OAS2: variants seen among roughly 807,000 people sequenced by gnomAD.
The protein encoded by OAS2 is 2'-5'-oligoadenylate synthase 2.
OAS2 carries 67 observed loss-of-function variants against 71.3 expected under a neutral mutation model. The observed-to-expected ratio is 0.94, with a 90% CI of 0.77 to 1.15. The LOEUF (loss-of-function observed/expected upper bound fraction) is 1.15. OAS2 is among the 50% of genes most tolerant of loss of function. The pLI is 0.00. For missense variants in OAS2, 789 were observed against 822.5 expected, an observed-to-expected ratio of 0.96 and a Z score of 0.50; for synonymous variants, 327 against 321.8, an observed-to-expected ratio of 1.02 and a Z score of -0.17.
Position 113,005,234 on chromosome 12 carries a change from C to G in OAS2, c.1468+12C>G, listed in dbSNP as rs1387180645. Reference sequence around the variant, plus strand: ...CTTTAATGCACTGGGTAAGGCTCCCCAGACCTTAGCTTGGAAGTGATGGTG... The same window carrying G: ...CTTTAATGCACTGGGTAAGGCTCCCGAGACCTTAGCTTGGAAGTGATGGTG... On this transcript the variant is annotated intron_variant, in intron 7 of 9. Transcript: ENST00000392583. 1 of 1,605,532 alleles carries G rather than the reference C, an allele frequency of 6.2e-7. No individual in the cohort carries two copies. Among genetic ancestry groups the G allele is most frequent in the Non-Finnish European group, 8.5e-7 (1 of 1,174,732 alleles).
Position 112,998,298 on chromosome 12 carries a change from A to G in OAS2, c.896A>G (p.Asn299Ser). 2 of 1,612,938 alleles carry G rather than the reference A, an allele frequency of 1.2e-6. No individual in the cohort carries two copies. The highest frequency in any genetic ancestry group is 1.7e-6 in the Non-Finnish European group (2 of 1,179,628). ...PVILDPVDPT[N>S]NVSGDKICWQ... is the part of the protein sequence containing the mutation. ...ATCTTGGATCCAGTTGACCCAACCA[A>G]TAATGTGAGTGGAGATAAAATATGC... The change falls in exon 5 of 10, where the codon AAT (asparagine) becomes AGT (serine). Residue 299 changes from asparagine to serine, a missense_variant. Asn to Ser is a conservative substitution (Grantham distance 46, BLOSUM62 1). Transcript: ENST00000392583.
Position 113,010,166 on chromosome 12 carries a change from T to TG in OAS2, c.*917dup, listed in dbSNP as rs1315520604. On this transcript the variant is annotated 3_prime_UTR_variant, in exon 10 of 10. Coordinates refer to ENST00000392583, the MANE Select transcript of OAS2 (RefSeq NM_002535.3). ...CTAGAGGAACCCTACACCCCAACCC[T>TG]GGGGGGAATGTAGGGAAGAGGTGGC... 3.8e-6 allele frequency: 5 copies of TG among 1,316,798 alleles called. No individual in the cohort carries two copies. The highest frequency in any genetic ancestry group is 6.8e-5 in the Admixed American group (2 of 29,408). 81.6% of individuals were successfully genotyped at this position (1,316,798 alleles called of 1,614,324 possible). A position where few individuals can be genotyped will look rare whatever the true frequency, so the allele number is the denominator to read the frequency against.
chr12:112,990,019 T>G (rs1299631389), intron 2 of OAS2, among the ~76,000 whole-genome samples: 1 of 152,138 alleles, frequency 6.6e-6, no homozygotes, highest in Non-Finnish European at 1.5e-5. Flanking sequence ...GCTTCCTAAT[T>G]GTCTCCCTGC....
chr12:112,993,852 G>A (rs1034627317), intron 2 of OAS2, among the ~76,000 whole-genome samples: 14 of 152,110 alleles, frequency 9.2e-5, no homozygotes, highest in Admixed American at 6.5e-4. Flanking sequence ...CAGCCTGAGC[G>A]ACAGAGAAGA....
intron 1 of OAS2, 101 bp from the exon 2 acceptor site, chr12:112,986,937 C>G: frequency 6.8e-7 from 1 of 1,466,484 alleles, no homozygotes; most frequent in Non-Finnish European, 9.2e-7. Flanking sequence ...ATGTTAAGAC[C>G]ATTTTTGGCT....
chr12:113,005,739 A>C (rs2044326257), intron 7 of OAS2, among the ~76,000 whole-genome samples: 1 of 150,554 alleles, frequency 6.6e-6, no homozygotes. Flanking sequence ...ATAATAAACA[A>C]AGTTAGCCAG....
At chr12:112,980,627 T>C (rs1296106887) in intron 1 of OAS2, among the ~76,000 whole-genome samples, 2 of 152,220 alleles carry the variant, frequency 1.3e-5, no homozygotes, top group East Asian at 3.8e-4. Flanking sequence ...ATTGTCTTTA[T>C]CCATTCAGCT....
At position 113,006,448 on chromosome 12, in the gene OAS2, G is replaced by A. The variant is rs1218881170; in HGVS notation, c.1504G>A (p.Val502Ile). The change falls in exon 8 of 10, where the codon GTT (valine) becomes ATT (isoleucine). Residue 502 changes from valine (V) to isoleucine (I), a missense_variant. Physicochemically the swap from Val to Ile is conservative, Grantham distance 29. Coordinates refer to ENST00000392583, the MANE Select transcript of OAS2 (RefSeq NM_002535.3). ...TTCTGGCTCCACACCCAGCCCCGAG[G>A]TTTATGCAGGGCTCATTGATCTGTA... is the stretch of plus-strand genomic sequence containing the variant. ...LSSGSTPSPE[V>I]YAGLIDLYKS... The A allele has an allele frequency of 2.5e-6, 4 of 1,585,086 alleles. No individual in the cohort carries two copies. The South Asian group carries it at 4.5e-5, about 18-fold the overall frequency.
intron 2 of OAS2, among the ~76,000 whole-genome samples, 182 bp from the exon 3 acceptor site, chr12:112,995,114 T>C (rs1221259908): frequency 6.6e-6 from 1 of 152,238 alleles, no homozygotes; most frequent in African/African-American, 2.4e-5. Flanking sequence ...GACTACACTT[T>C]ATTATCTAAT....
chr12:112,998,239 C>T (rs1444453344), intron 4 of OAS2, 27 bp from the exon 5 acceptor site: 2 of 1,602,962 alleles, frequency 1.2e-6, no homozygotes, highest in Non-Finnish European at 1.7e-6. Context: ...GCTCAACTGA[C>T]TTTTTTTAAT....
chr12:113,008,069 C>A (rs1593208022), intron 9 of OAS2, 126 bp downstream of exon 9: 1 of 726,954 alleles, frequency 1.4e-6, no homozygotes, highest in Non-Finnish European at 2.4e-6. Context: ...TGCTAGCCAA[C>A]AGAACCTGTC....
rs1166650984 is a variant in OAS2, at chr12:112,987,702, G to A, written c.448+394G>A. On this transcript the variant is annotated intron_variant, in intron 2 of 9. Coordinates refer to ENST00000392583, the MANE Select transcript of OAS2 (RefSeq NM_002535.3). Reference sequence around the variant, plus strand: ...TCCGCAGATCATGCTTGCAGGTTTTGACCAGAGTCAGTGTTGGTTAGAGTA... The same window carrying A: ...TCCGCAGATCATGCTTGCAGGTTTTAACCAGAGTCAGTGTTGGTTAGAGTA... 12 of 1,056,980 alleles carry A rather than the reference G, an allele frequency of 1.1e-5. No homozygotes were observed. The East Asian group carries it at 2.8e-4, about 25-fold the overall frequency. The allele number at this position is 1,056,980 out of a possible 1,614,324, so 65.5% of individuals were successfully genotyped here.
Position 112,998,386 on chromosome 12 carries a change from A to C in OAS2, c.984A>C (p.Leu328Phe), listed in dbSNP as rs373333483. The C allele has an allele frequency of 5.5e-5, 89 of 1,611,460 alleles. 1 individual carries two copies. Among genetic ancestry groups the C allele is most frequent in the Non-Finnish European group, 7.1e-5 (84 of 1,179,448 alleles). ...CTTCTCCCAACCTGGATAATGAGTT[A>C]CCTGCACCATCTTGGAATGTTCTGG... The part of the protein sequence containing the change: ...WLTSPNLDNE[L>F]PAPSWNVLPA... Residue 328 changes from leucine (L) to phenylalanine (F), a missense_variant, in exon 5 of 10, where the codon TTA (leucine) becomes TTC (phenylalanine). Coordinates refer to ENST00000392583, the MANE Select transcript of OAS2 (RefSeq NM_002535.3).
intron 3 of OAS2, among the ~76,000 whole-genome samples, chr12:112,997,068 A>G (rs769417964): frequency 6.6e-6 from 1 of 152,178 alleles, no homozygotes; most frequent in Non-Finnish European, 1.5e-5. Context: ...TTTAGTTTCT[A>G]TAGGGAACAA....
In OAS2 at chr12:113,009,247, G is replaced by A. The variant is rs773238912; in HGVS notation, c.2056G>A (p.Val686Ile). 4 of 1,613,754 alleles carry A rather than the reference G, an allele frequency of 2.5e-6. No individual in the cohort carries two copies. The East Asian group carries it at 8.9e-5, about 36-fold the overall frequency. The change falls in exon 10 of 10, where the codon GTC (valine) becomes ATC (isoleucine). Residue 686 changes from valine (V) to isoleucine (I), a missense_variant. Val to Ile is a conservative substitution (Grantham distance 29, BLOSUM62 3). Transcript: ENST00000392583. ...PIPPWKVPVK[V>I]I ...ACCACCTTGGAAAGTGCCGGTAAAAGTCATCTAAAGGAGGCGTTGTCTGGA... is the reference window on the plus strand; with the variant it reads ...ACCACCTTGGAAAGTGCCGGTAAAAATCATCTAAAGGAGGCGTTGTCTGGA...
intron 6 of OAS2, among the ~76,000 whole-genome samples, chr12:113,003,508 A>G (rs1376916323): frequency 6.6e-6 from 1 of 152,154 alleles, no homozygotes; most frequent in African/African-American, 2.4e-5. Flanking sequence ...ACTCAGTTAC[A>G]TCTGCGAAGA....
At chr12:113,000,121 A>T (rs949423562) in intron 5 of OAS2, among the ~76,000 whole-genome samples, 6 of 152,180 alleles carry the variant, frequency 3.9e-5, no homozygotes, top group East Asian at 1.9e-4. Context: ...AAATGCTTTC[A>T]TAGGGATCTC....
chr12:112,988,765 G>A, intron 2 of OAS2: 3 of 980,954 alleles, frequency 3.1e-6, no homozygotes, highest in Non-Finnish European at 2.4e-6. Flanking sequence ...GCCCTACCCT[G>A]TAACAAAGTC....
intron 9 of OAS2, among the ~76,000 whole-genome samples, 199 bp from the exon 10 acceptor site, chr12:113,008,888 A>G (rs1436394420): frequency 1.3e-5 from 2 of 152,184 alleles, no homozygotes; most frequent in African/African-American, 4.8e-5. Context: ...TCAGCCTCCC[A>G]AAGTGCTGGG....
Sources: gnomAD v4.1 joint callset for allele counts (sites outside exome capture counted in the v4.1 genomes callset) on GRCh38, gnomAD v4.1.1 for gene constraint, MANE v1.5 for transcripts, NCBI Gene and HGNC (gene_info 2026-07-23, HGNC 2026-07-21) for gene names.